The following ANO10 variants were observed in gnomAD, a reference collection of about 807,000 sequenced individuals.
ANO10 encodes anoctamin-10.
In ANO10, 77 loss-of-function variants were observed where a neutral mutation model predicts 74.7. The ratio of observed to expected loss-of-function variants is 1.03; its 90% confidence interval spans 0.86 to 1.25. The LOEUF is 1.25. Ranked by LOEUF, ANO10 falls within the 50% of genes most tolerant of loss-of-function variation. ANO10 has a pLI of 0.00. For synonymous variants in ANO10, 279 were observed against 284.9 expected (o/e 0.98, Z 0.21); for missense variants, 721 against 778.1 (o/e 0.93, Z 0.87).
At chr3:43,445,791 C>A (rs1482574027) in intron 11 of ANO10, among the ~76,000 whole-genome samples, 2 of 152,130 alleles carry the variant, frequency 1.3e-5, no homozygotes, top group Non-Finnish European at 2.9e-5. Flanking sequence ...CCTCTGCTTG[C>A]CGAGCTCAAG....
At chr3:43,496,299 A>G (rs748325640) in intron 11 of ANO10, among the ~76,000 whole-genome samples, 8 of 152,202 alleles carry the variant, frequency 5.3e-5, no homozygotes, top group Non-Finnish European at 8.8e-5. Flanking sequence ...AGCAAGGTAT[A>G]TATTTATTTA....
At chr3:43,473,334 C>T (rs547570125) in intron 11 of ANO10, among the ~76,000 whole-genome samples, 4 of 152,242 alleles carry the variant, frequency 2.6e-5, no homozygotes, top group East Asian at 1.9e-4. Context: ...CTACACTCTC[C>T]TCCTGGATGT....
chr3:43,652,471 T>C (rs2083798760), intron 1 of ANO10, among the ~76,000 whole-genome samples: 1 of 152,154 alleles, frequency 6.6e-6, no homozygotes, highest in African/African-American at 2.4e-5. Context: ...AGAATAAAGT[T>C]GGACCACTGC....
At chr3:43,466,978 A>C (rs2075653463) in intron 11 of ANO10, among the ~76,000 whole-genome samples, 1 of 152,244 alleles carries the variant, frequency 6.6e-6, no homozygotes, top group Non-Finnish European at 1.5e-5. Flanking sequence ...GTATGCTAAT[A>C]AACACATGAA....
At chr3:43,408,167 T>C (rs1184136625) in intron 12 of ANO10, among the ~76,000 whole-genome samples, 1 of 152,196 alleles carries the variant, frequency 6.6e-6, no homozygotes, top group Non-Finnish European at 1.5e-5. Context: ...CTAGATATCA[T>C]GTGGAGTCTT....
intron 11 of ANO10, among the ~76,000 whole-genome samples, chr3:43,542,529 G>A (rs1376056970): frequency 6.6e-6 from 1 of 152,164 alleles, no homozygotes; most frequent in Non-Finnish European, 1.5e-5. Flanking sequence ...ATTAACAACA[G>A]TGGTGCTATA....
chr3:43,611,857 G>C (rs1242721576), intron 1 of ANO10, among the ~76,000 whole-genome samples: 1 of 152,104 alleles, frequency 6.6e-6, no homozygotes, highest in Non-Finnish European at 1.5e-5. Flanking sequence ...CCATAGGGTA[G>C]AGGTAGTCTA....
chr3:43,521,355 C>A (rs950378057), intron 11 of ANO10, among the ~76,000 whole-genome samples: 2 of 152,128 alleles, frequency 1.3e-5, no homozygotes, highest in African/African-American at 4.8e-5. Context: ...GCTGTCAAGC[C>A]TTTAATGGTA....
At chr3:43,637,585 T>A (rs942274945) in intron 1 of ANO10, 2 of 145,994 alleles carry the variant, frequency 1.4e-5, no homozygotes, top group African/African-American at 5.0e-5. Flanking sequence ...CGTCAGGGCA[T>A]TTTTTTTTTT....
At chr3:43,413,130 ACT>A (rs2092689923) in intron 12 of ANO10, among the ~76,000 whole-genome samples, 1 of 151,884 alleles carries the variant, frequency 6.6e-6, no homozygotes, top group African/African-American at 2.4e-5. Flanking sequence ...GTCATCCTCT[ACT>A]CTCTCTTCCT....
intron 11 of ANO10, among the ~76,000 whole-genome samples, chr3:43,535,537 G>C (rs1000324041): frequency 6.6e-6 from 1 of 152,146 alleles, no homozygotes; most frequent in Non-Finnish European, 1.5e-5. Context: ...GCCTCCCAAA[G>C]TGCTGGGATT....
intron 12 of ANO10, among the ~76,000 whole-genome samples, chr3:43,379,941 G>A (rs2091913158): frequency 6.6e-6 from 1 of 152,130 alleles, no homozygotes; most frequent in Non-Finnish European, 1.5e-5. Context: ...AAAACAAAAT[G>A]ATGCAGGATA....
intron 9 of ANO10, among the ~76,000 whole-genome samples, chr3:43,558,629 C>T (rs1014195524): frequency 2.0e-5 from 3 of 152,116 alleles, no homozygotes; most frequent in Admixed American, 2.0e-4. Context: ...AGCTTGGCAA[C>T]ATTATTTTAG....
chr3:43,527,036 A>AACACACACACAC (rs56025632), intron 11 of ANO10, among the ~76,000 whole-genome samples: 11 of 147,174 alleles, frequency 7.5e-5, no homozygotes, highest in South Asian at 4.3e-4. Context: ...ATGGATGTAA[A>AACACACACACAC]ACACACACAC....
chr3:43,611,056 T>C (rs2082792633), intron 1 of ANO10, among the ~76,000 whole-genome samples: 1 of 152,162 alleles, frequency 6.6e-6, no homozygotes, highest in African/African-American at 2.4e-5. Context: ...TGAAATCCAC[T>C]CTCCCTTTCT....
intron 7 of ANO10, among the ~76,000 whole-genome samples, chr3:43,571,481 T>A (rs539172556): frequency 6.6e-6 from 1 of 152,064 alleles, no homozygotes; most frequent in Non-Finnish European, 1.5e-5. Flanking sequence ...GTGGCACATA[T>A]ACACCATGGA....
intron 11 of ANO10, chr3:43,472,372 A>G (rs1198249844): frequency 6.6e-6 from 1 of 152,220 alleles, no homozygotes. Context: ...CTGTATGTAA[A>G]TTTTTTAAAA....
At chr3:43,440,890 G>A (rs926005029) in intron 11 of ANO10, among the ~76,000 whole-genome samples, 4 of 151,908 alleles carry the variant, frequency 2.6e-5, no homozygotes, top group African/African-American at 9.7e-5. Flanking sequence ...GAAATCAAAA[G>A]CAAAAGGAAA....
At chr3:43,563,165 T>C (rs892228673) in intron 8 of ANO10, among the ~76,000 whole-genome samples, 4 of 152,010 alleles carry the variant, frequency 2.6e-5, no homozygotes, top group Non-Finnish European at 4.4e-5. Context: ...AAGACATGAA[T>C]AGACATTTCT....
Sources: gnomAD v4.1 joint callset for allele counts (sites outside exome capture counted in the v4.1 genomes callset) on GRCh38, gnomAD v4.1.1 for gene constraint, MANE v1.5 for transcripts, NCBI Gene and HGNC (gene_info 2026-07-23, HGNC 2026-07-21) for gene names.